The following CLVS1 variants were observed in gnomAD, a reference collection of about 807,000 sequenced individuals.
The protein encoded by CLVS1 is clavesin-1.
Under a neutral mutation model 33.1 loss-of-function variants are expected in CLVS1, and 10 were observed. The ratio of observed to expected loss-of-function variants is 0.30; its 90% CI spans 0.19 to 0.51. The LOEUF (loss-of-function observed/expected upper bound fraction) is 0.51. CLVS1 is among the 20% of genes least tolerant of loss of function. The pLI, the probability that CLVS1 is intolerant of heterozygous loss-of-function variation, is 0.97. For missense variants in CLVS1, 343 were observed against 433.4 expected (o/e 0.79, Z 1.85); for synonymous variants, 163 against 166.1 (o/e 0.98, Z 0.14).
Position 61,299,896 on chromosome 8 carries a change from G to T in CLVS1, c.69G>T (p.Met23Ile). The T allele has an allele frequency of 6.2e-7, 1 of 1,613,860 alleles. No homozygotes were observed. The highest frequency in any genetic ancestry group is 8.5e-7 in the Non-Finnish European group (1 of 1,179,900). The part of the protein sequence containing the change: ...LNTWNGDLAK[M>I]THLQAGLSPE... ...CTTGGAACGGAGATTTGGCCAAGATGACCCATTTACAGGCTGGACTCAGTC... is the reference window on the plus strand; with the variant it reads ...CTTGGAACGGAGATTTGGCCAAGATTACCCATTTACAGGCTGGACTCAGTC... Residue 23 changes from methionine (M) to isoleucine (I), a missense_variant, in exon 2 of 6, where the codon ATG (methionine) becomes ATT (isoleucine). This residue lies in a region of CLVS1 where 88 missense variants were observed against 77.3 expected (regional missense o/e 1.14). Transcript: ENST00000325897.
the CLVS1 span, among the ~76,000 whole-genome samples, chr8:61,012,194 C>G: frequency 2.0e-5 from 3 of 152,284 alleles, no homozygotes; most frequent in South Asian, 6.2e-4. Context: ...TCCTCTTCCT[C>G]TATCTGGAGT....
At chr8:61,197,550 C>T (rs569691430) in intron 2 of CLVS1, among the ~76,000 whole-genome samples, 2 of 152,196 alleles carry the variant, frequency 1.3e-5, no homozygotes, top group African/African-American at 2.4e-5. Flanking sequence ...GACAGAGTCT[C>T]ACTCTGTTGC....
intron 2 of CLVS1, among the ~76,000 whole-genome samples, chr8:61,315,982 G>A (rs921252286): frequency 1.3e-5 from 2 of 151,996 alleles, no homozygotes; most frequent in Admixed American, 1.3e-4. Context: ...ATGTGTGTTT[G>A]GTTTTCTGTT....
At chr8:61,155,065 T>C (rs1182441338) in intron 2 of CLVS1, among the ~76,000 whole-genome samples, 1 of 152,128 alleles carries the variant, frequency 6.6e-6, no homozygotes, top group Admixed American at 6.5e-5. Context: ...CTCTGGAGCT[T>C]TGGGCTGAGC....
chr8:61,426,422 G>A (rs1256372316), intron 3 of CLVS1, among the ~76,000 whole-genome samples: 1 of 152,178 alleles, frequency 6.6e-6, no homozygotes, highest in African/African-American at 2.4e-5. Context: ...GATAGCTTGT[G>A]TCAGATGTTT....
At chr8:61,361,655 A>T (rs1044074427) in intron 2 of CLVS1, among the ~76,000 whole-genome samples, 7 of 152,156 alleles carry the variant, frequency 4.6e-5, no homozygotes, top group Non-Finnish European at 1.0e-4. Flanking sequence ...TCTTGATTGC[A>T]TTCACCTTAT....
intron 3 of CLVS1, among the ~76,000 whole-genome samples, chr8:61,437,935 C>T (rs574397589): frequency 2.6e-5 from 4 of 152,296 alleles, no homozygotes; most frequent in East Asian, 3.9e-4. Context: ...GGAAATAAGA[C>T]GTTGAACTGT....
chr8:61,088,956 T>C (rs1381777971), intron 1 of CLVS1, among the ~76,000 whole-genome samples: 2 of 151,932 alleles, frequency 1.3e-5, no homozygotes, highest in Admixed American at 6.6e-5. Context: ...CGCCTGCCAC[T>C]ACGCCTGGCT....
At chr8:61,396,313 C>G (rs1470268641) in intron 3 of CLVS1, among the ~76,000 whole-genome samples, 1 of 152,020 alleles carries the variant, frequency 6.6e-6, no homozygotes, top group East Asian at 1.9e-4. Context: ...AATTTGAATA[C>G]ATATTTTAAA....
At chr8:61,244,941 C>T (rs2129314883) in intron 2 of CLVS1, among the ~76,000 whole-genome samples, 1 of 152,228 alleles carries the variant, frequency 6.6e-6, no homozygotes, top group African/African-American at 2.4e-5. Context: ...CTTTTTTCTA[C>T]AATCCTGTCA....
At chr8:61,479,056 G>A (rs145408759) in intron 5 of CLVS1, among the ~76,000 whole-genome samples, 1 of 152,068 alleles carries the variant, frequency 6.6e-6, no homozygotes, top group Admixed American at 6.5e-5. Flanking sequence ...ACAATTATGT[G>A]TCTTTGAGTT....
chr8:61,081,442 A>C (rs985476389), intron 1 of CLVS1, among the ~76,000 whole-genome samples: 3 of 152,014 alleles, frequency 2.0e-5, no homozygotes, highest in African/African-American at 7.3e-5. Flanking sequence ...GCCAACAAGC[A>C]TGTTAAGAGC....
intron 2 of CLVS1, among the ~76,000 whole-genome samples, chr8:61,156,402 G>T (rs72654656): frequency 0.054 from 8,225 of 151,844 alleles, 299 homozygotes; most frequent in East Asian, 0.13. Flanking sequence ...GTGTCCATGT[G>T]CATGTTAATA....
chr8:60,990,112 A>G, the CLVS1 span, among the ~76,000 whole-genome samples: 1 of 137,268 alleles, frequency 7.3e-6, no homozygotes, highest in East Asian at 2.3e-4. Flanking sequence ...GTGACAGAGC[A>G]AGACTCCATC....
intron 2 of CLVS1, among the ~76,000 whole-genome samples, chr8:61,271,360 T>C (rs1042653347): frequency 1.3e-5 from 2 of 150,660 alleles, no homozygotes; most frequent in African/African-American, 2.4e-5. Flanking sequence ...TCTAGTTTGA[T>C]TGCACTGTGG....
chr8:61,475,396 G>C (rs1253593384), intron 5 of CLVS1, among the ~76,000 whole-genome samples: 1 of 152,222 alleles, frequency 6.6e-6, no homozygotes, highest in African/African-American at 2.4e-5. Flanking sequence ...GGTTGAACTA[G>C]TTTAGAGTCC....
chr8:61,307,421 T>C (rs1276137414), intron 2 of CLVS1, among the ~76,000 whole-genome samples: 2 of 152,082 alleles, frequency 1.3e-5, no homozygotes, highest in Non-Finnish European at 2.9e-5. Flanking sequence ...CAGGAGGTTC[T>C]TTCTCCCCAG....
At chr8:61,456,954 C>T (rs1405930028) in intron 4 of CLVS1, among the ~76,000 whole-genome samples, 1 of 149,982 alleles carries the variant, frequency 6.7e-6, no homozygotes, top group Admixed American at 6.6e-5. Flanking sequence ...TTTTTTTTTC[C>T]CGAGTTGGAG....
chr8:61,205,417 A>G (rs1418557792), intron 2 of CLVS1, among the ~76,000 whole-genome samples: 1 of 152,220 alleles, frequency 6.6e-6, no homozygotes, highest in Non-Finnish European at 1.5e-5. Flanking sequence ...AGTGTTCGTG[A>G]ATGTTGCAGC....
Sources: allele counts gnomAD v4.1 joint callset (sites outside exome capture counted in the v4.1 genomes callset), GRCh38; gene constraint gnomAD v4.1.1; regional missense constraint gnomAD v4.1.1; transcripts MANE v1.5; gene names NCBI Gene and HGNC (gene_info 2026-07-23, HGNC 2026-07-21).